The following SCARB1 variants were observed in gnomAD, a reference collection of about 807,000 sequenced individuals.
The protein encoded by SCARB1 is CD36 and LIMPII analogous 1.
Under a neutral mutation model 57.2 loss-of-function variants are expected in SCARB1, and 30 were observed. That is an observed-to-expected ratio of 0.52 (90% CI 0.39 to 0.71). SCARB1 has a LOEUF of 0.71. Among genes scored for constraint, SCARB1 ranks in the 30% least tolerant of loss-of-function variants. The pLI is 0.00. For missense variants in SCARB1, 543 were observed against 671.2 expected, an observed-to-expected ratio of 0.81 and a Z score of 2.11; for synonymous variants, 249 against 268.3, an observed-to-expected ratio of 0.93 and a Z score of 0.70.
In SCARB1 at chr12:124,817,455, G is replaced by A. The variant is rs1950785646; in HGVS notation, c.284+95C>T. On this transcript the variant is annotated intron_variant, in intron 2 of 12. Transcript: ENST00000261693. The surrounding 1 kb of genome is among the most constrained non-coding windows in gnomAD (Gnocchi z 4.8). ...GCCTGCTTCCGGAACAATCTCTGGG[G>A]CTCAGTCAGCAGCCTCCCCATCCCG... 1 of 1,261,570 alleles carries A rather than the reference G, an allele frequency of 7.9e-7. No homozygotes were observed. Among genetic ancestry groups the A allele is most frequent in the Non-Finnish European group, 1.1e-6 (1 of 885,476 alleles). The allele number at this position is 1,261,570 out of a possible 1,614,324, so 78.1% of individuals were successfully genotyped here.
intron 1 of SCARB1, among the ~76,000 whole-genome samples, chr12:124,848,951 A>G (rs1452812472): frequency 6.6e-6 from 1 of 152,268 alleles, no homozygotes; most frequent in Admixed American, 6.5e-5. Context: ...GGAAACAGCC[A>G]GCCCTTACTT....
At chr12:124,860,737 C>G (rs1021048092) in intron 1 of SCARB1, among the ~76,000 whole-genome samples, 2 of 152,168 alleles carry the variant, frequency 1.3e-5, no homozygotes, top group Non-Finnish European at 2.9e-5. Flanking sequence ...ATATCGCTGT[C>G]ATTTGTGACA....
rs1200440332 is a variant in SCARB1, at chr12:124,794,399, TC to T, written c.1202+795del. On this transcript the variant is annotated intron_variant, in intron 9 of 12. Transcript: ENST00000261693. ...AAGAGGAAATCAGTGCTTGAAAAATTCTTTTTTTTTTTTTTTTTTGAGACGG... is the reference window on the plus strand; with the variant it reads ...AAGAGGAAATCAGTGCTTGAAAAATTTTTTTTTTTTTTTTTTTTGAGACGG... 7.1e-4 allele frequency among the ~76,000 whole-genome samples: 92 copies of T among 129,242 alleles called. 1 individual carries two copies. In the Middle Eastern group the frequency reaches 0.011, roughly 16 times the overall value. 84.8% of individuals were successfully genotyped at this position (129,242 alleles called of 152,430 possible).
chr12:124,834,147 A>G (rs1951533050), intron 1 of SCARB1, among the ~76,000 whole-genome samples: 2 of 152,264 alleles, frequency 1.3e-5, no homozygotes, highest in Admixed American at 6.5e-5. Flanking sequence ...GGCAACAGCC[A>G]GCAGGGGCCT....
At chr12:124,856,554 G>C (rs1952639420) in intron 1 of SCARB1, among the ~76,000 whole-genome samples, 3 of 152,240 alleles carry the variant, frequency 2.0e-5, no homozygotes, top group Non-Finnish European at 4.4e-5. Context: ...GCTAGAAGGA[G>C]TAGGAAGTTC....
intron 1 of SCARB1, among the ~76,000 whole-genome samples, chr12:124,859,518 G>A (rs7487105): frequency 1.4e-5 from 2 of 138,470 alleles, no homozygotes; most frequent in East Asian, 4.0e-4. Context: ...GCGACAGAGC[G>A]AGACTCCATC....
rs761754173 is a variant in SCARB1 at position 124,822,497 on chromosome 12, C to T, written c.127-4790G>A. On this transcript the variant is annotated intron_variant, in intron 1 of 12. Transcript: ENST00000261693. This position sits in a 1 kb window ranked among gnomAD's most constrained non-coding sequence, Gnocchi z 5.0. Reference sequence around the variant, plus strand: ...AGAGAGAAGCCAGACCAGTGGCTGCCGGGGACCGGGATGGAGGGAGGGGAC... The same window carrying T: ...AGAGAGAAGCCAGACCAGTGGCTGCTGGGGACCGGGATGGAGGGAGGGGAC... Among the ~76,000 whole-genome samples, 4 of 152,190 alleles carry T rather than the reference C, an allele frequency of 2.6e-5. No homozygotes were observed. The highest frequency in any genetic ancestry group is 5.9e-5 in the Non-Finnish European group (4 of 68,030).
chr12:124,855,333 G>A (rs73227590), intron 1 of SCARB1, among the ~76,000 whole-genome samples: 5,620 of 152,256 alleles, frequency 0.037, 146 homozygotes, highest in East Asian at 0.12. Context: ...CCTGGAACCC[G>A]GGACCTGGGG....
intron 2 of SCARB1, 65 bp from the exon 3 acceptor site, chr12:124,815,179 C>T: frequency 1.3e-6 from 2 of 1,568,952 alleles, no homozygotes; most frequent in Admixed American, 3.3e-5. Flanking sequence ...CTTCTACTCG[C>T]CTGCAATGCC....
At chr12:124,837,689 C>T (rs1288874607) in intron 1 of SCARB1, among the ~76,000 whole-genome samples, 1 of 151,910 alleles carries the variant, frequency 6.6e-6, no homozygotes, top group Admixed American at 6.6e-5. Context: ...GAGTTCAAGA[C>T]GAGCCTGGGC....
chr12:124,842,312 A>G (rs1951939806), intron 1 of SCARB1, among the ~76,000 whole-genome samples: 1 of 152,224 alleles, frequency 6.6e-6, no homozygotes, highest in African/African-American at 2.4e-5. Flanking sequence ...ACTGGAGTTC[A>G]TCAATAACAC....
rs546378397 is a variant in SCARB1, at chr12:124,817,617, T to C, written c.217A>G (p.Met73Val). ...CCCTTCAGGATCTCGCTGGGGTTCA[T>C]GACGTCAAAGAAGTAGACGGAGAGA... is the stretch of plus-strand genomic sequence containing the variant. ...FYLSVYFFDV[M>V]NPSEILKGEK... The change falls in exon 2 of 13, where the codon ATG (methionine) becomes GTG (valine). Residue 73 changes from methionine (M) to valine (V), a missense_variant. Coordinates refer to ENST00000261693, the MANE Select transcript of SCARB1 (RefSeq NM_005505.5). This position sits in a 1 kb window ranked among gnomAD's most constrained non-coding sequence, Gnocchi z 4.8. 6.8e-6 allele frequency: 11 copies of C among 1,614,208 alleles called. No individual in the cohort carries two copies. Among genetic ancestry groups the C allele is most frequent in the East Asian group, 6.7e-5 (3 of 44,870 alleles).
intron 1 of SCARB1, among the ~76,000 whole-genome samples, chr12:124,842,762 G>C (rs976989843): frequency 6.6e-6 from 1 of 152,232 alleles, no homozygotes; most frequent in African/African-American, 2.4e-5. Flanking sequence ...CACTGCTCTG[G>C]CCTTTGGGAA....
Position 124,817,195 on chromosome 12 carries a change from C to T in SCARB1, c.284+355G>A, listed in dbSNP as rs969671318. On this transcript the variant is annotated intron_variant, in intron 2 of 12. Coordinates refer to ENST00000261693, the MANE Select transcript of SCARB1 (RefSeq NM_005505.5). The surrounding 1 kb of genome is among the most constrained non-coding windows in gnomAD (Gnocchi z 4.8). ...CTCACACATGCACCCTCCACCCAGA[C>T]GCACACCATTGGTCCCTCCCTGCTC... Among the ~76,000 whole-genome samples the T allele has an allele frequency of 7.3e-5, 11 of 151,628 alleles. No individual in the cohort carries two copies. Among genetic ancestry groups the T allele is most frequent in the South Asian group, 2.1e-4 (1 of 4,792 alleles).
At chr12:124,855,297 C>T (rs955555026) in intron 1 of SCARB1, among the ~76,000 whole-genome samples, 5 of 151,834 alleles carry the variant, frequency 3.3e-5, no homozygotes, top group East Asian at 3.9e-4. Flanking sequence ...AAAATTAAGA[C>T]GGCCAGGCCT....
intron 1 of SCARB1, among the ~76,000 whole-genome samples, chr12:124,858,495 G>C (rs1594411644): frequency 1.3e-5 from 2 of 152,154 alleles, no homozygotes; most frequent in South Asian, 4.1e-4. Flanking sequence ...GGGCCCCTTT[G>C]CAGTGTGCCT....
chr12:124,790,825 G>A (rs112580838), intron 9 of SCARB1, among the ~76,000 whole-genome samples: 1 of 152,222 alleles, frequency 6.6e-6, no homozygotes, highest in Non-Finnish European at 1.5e-5. Flanking sequence ...ACGTGCTCAC[G>A]TGGCAGGCCC....
chr12:124,850,822 G>A (rs553524326), intron 1 of SCARB1, among the ~76,000 whole-genome samples: 1 of 152,362 alleles, frequency 6.6e-6, no homozygotes, highest in South Asian at 2.1e-4. Context: ...AAGGCAATGT[G>A]GGGATGAAGT....
chr12:124,839,630 G>A (rs974868156), intron 1 of SCARB1: 2 of 985,176 alleles, frequency 2.0e-6, no homozygotes, highest in Admixed American at 6.1e-5. Context: ...CACAGCAGCT[G>A]CACCATCCTA....
Sources: allele counts gnomAD v4.1 joint callset (sites outside exome capture counted in the v4.1 genomes callset), GRCh38; gene constraint gnomAD v4.1.1; non-coding constraint Gnocchi (gnomAD v3.1); transcripts MANE v1.5; gene names NCBI Gene and HGNC (gene_info 2026-07-23, HGNC 2026-07-21).